ADTRP: variants seen among roughly 807,000 people sequenced by gnomAD.
The protein encoded by ADTRP is androgen dependent TFPI regulating protein.
Under a neutral mutation model 27.0 loss-of-function variants are expected in ADTRP, and 20 were observed. The observed-to-expected ratio is 0.74, with a 90% confidence interval of 0.52 to 1.08. The LOEUF (loss-of-function observed/expected upper bound fraction) is 1.08. ADTRP is among the 50% of genes least tolerant of loss of function. The probability of loss-of-function intolerance (pLI) is 0.00; values close to 1 mark genes in which losing one functional copy is unlikely to be tolerated. For synonymous variants in ADTRP, 101 were observed against 105.2 expected (o/e 0.96, Z 0.25); for missense variants, 251 against 275.0 (o/e 0.91, Z 0.62).
At chr6:11,758,937 T>C (rs374531767) in intron 3 of ADTRP, among the ~76,000 whole-genome samples, 24 of 152,286 alleles carry the variant, frequency 1.6e-4, no homozygotes, top group Admixed American at 9.2e-4. Context: ...ATAAAGCCTT[T>C]ACTCTCTTGC....
chr6:11,761,664 A>G (rs1310865629), intron 3 of ADTRP, among the ~76,000 whole-genome samples: 3 of 152,192 alleles, frequency 2.0e-5, no homozygotes, highest in Non-Finnish European at 2.9e-5. Context: ...GAACTCAGCA[A>G]TGGAAATCAT....
At chr6:11,759,745 G>A (rs2113311158) in intron 3 of ADTRP, among the ~76,000 whole-genome samples, 1 of 152,338 alleles carries the variant, frequency 6.6e-6, no homozygotes, top group Middle Eastern at 3.4e-3. Context: ...AGGAGACATT[G>A]AAGATGTAAT....
intron 1 of ADTRP, among the ~76,000 whole-genome samples, chr6:11,769,066 GAGA>G (rs1286310396): frequency 6.6e-6 from 1 of 152,186 alleles, no homozygotes; most frequent in Non-Finnish European, 1.5e-5. Context: ...CCAGGAGAAA[GAGA>G]AGGAGGGTAT....
chr6:11,719,145 G>A lies in ADTRP; in HGVS notation c.658+4204C>T, dbSNP rs746306861. On this transcript the variant is annotated intron_variant, in intron 5 of 5. Coordinates refer to ENST00000414691, the MANE Select transcript of ADTRP (RefSeq NM_032744.4). The stretch of plus-strand genomic sequence containing the variant: ...GAGCACCACACTGCACAAGGATGCC[G>A]TAGACAGAATTATCCACATTGGGAG... 2.0e-5 allele frequency among the ~76,000 whole-genome samples: 3 copies of A among 152,168 alleles called. 1 individual carries two copies. The South Asian group carries it at 6.2e-4, about 32-fold the overall frequency.
intron 5 of ADTRP, among the ~76,000 whole-genome samples, chr6:11,714,794 T>G (rs1761760122): frequency 6.6e-6 from 1 of 152,204 alleles, no homozygotes; most frequent in African/African-American, 2.4e-5. Context: ...AGGAAGCATA[T>G]TGCTGTGACT....
chr6:11,727,979 TAGGGAGGGAGGG>T lies in ADTRP; in HGVS notation c.507-4491_507-4480del, dbSNP rs35686998. Among the ~76,000 whole-genome samples, 6 of 53,336 alleles carry T rather than the reference TAGGGAGGGAGGG, an allele frequency of 1.1e-4. No homozygotes were observed. The South Asian group carries it at 2.4e-3, about 22-fold the overall frequency. 35.0% of individuals were successfully genotyped at this position (53,336 alleles called of 152,430 possible). A position where few individuals can be genotyped will look rare whatever the true frequency, so the allele number is the denominator to read the frequency against. On this transcript the variant is annotated intron_variant, in intron 4 of 5. Transcript: ENST00000414691. ...GGAGGCAGGGAGGGAGGGAGGTAGG[TAGGGAGGGAGGG>T]AGGGAGGGAGGGAGGGAACTTTGCA...
chr6:11,749,686 G>A (rs1003073474), intron 3 of ADTRP, among the ~76,000 whole-genome samples: 1 of 152,180 alleles, frequency 6.6e-6, no homozygotes, highest in African/African-American at 2.4e-5. Flanking sequence ...CTGCTGAGAG[G>A]TGAGGAAGAT....
At chr6:11,760,131 C>T (rs1763350115) in intron 3 of ADTRP, among the ~76,000 whole-genome samples, 1 of 152,164 alleles carries the variant, frequency 6.6e-6, no homozygotes, top group Non-Finnish European at 1.5e-5. Context: ...TTTGTAATAG[C>T]AACAAGCACA....
chr6:11,756,295 C>T (rs1763212396), intron 3 of ADTRP, among the ~76,000 whole-genome samples: 1 of 152,024 alleles, frequency 6.6e-6, no homozygotes, highest in East Asian at 1.9e-4. Context: ...GATCATGCCA[C>T]TGCACTCCAG....
At chr6:11,770,403 C>G (rs948120402) in intron 1 of ADTRP, among the ~76,000 whole-genome samples, 3 of 152,016 alleles carry the variant, frequency 2.0e-5, no homozygotes, top group African/African-American at 7.3e-5. Context: ...TGGGGAGATG[C>G]AGGCTGTTGA....
chr6:11,727,099 T>C (rs1475609458), intron 4 of ADTRP, among the ~76,000 whole-genome samples: 1 of 152,220 alleles, frequency 6.6e-6, no homozygotes, highest in Non-Finnish European at 1.5e-5. Flanking sequence ...CTCGGCTCAC[T>C]GCAAGCTCCG....
intron 1 of ADTRP, among the ~76,000 whole-genome samples, chr6:11,769,302 G>C (rs1763682977): frequency 6.6e-6 from 1 of 152,154 alleles, no homozygotes; most frequent in Non-Finnish European, 1.5e-5. Context: ...AAGTCAGGAA[G>C]GTTCTAGAGC....
chr6:11,747,480 G>A (rs1405974081), intron 3 of ADTRP, among the ~76,000 whole-genome samples: 2 of 152,142 alleles, frequency 1.3e-5, no homozygotes, highest in African/African-American at 2.4e-5. Context: ...GAAGAGAAAC[G>A]CTGAAATCTC....
At chr6:11,770,449 G>C (rs1181272516) in intron 1 of ADTRP, among the ~76,000 whole-genome samples, 1 of 152,090 alleles carries the variant, frequency 6.6e-6, no homozygotes, top group Admixed American at 6.5e-5. Context: ...GAAAGGGAGA[G>C]AGGAGAGGGG....
At chr6:11,776,424 T>A (rs75220683) in intron 1 of ADTRP, among the ~76,000 whole-genome samples, 12,201 of 152,118 alleles carry the variant, frequency 0.08, 1,707 homozygotes, top group African/African-American at 0.28. Flanking sequence ...GACCTAAGAT[T>A]AAAAAAAACT....
intron 3 of ADTRP, chr6:11,736,439 G>C (rs1451932305): frequency 1.3e-5 from 2 of 152,426 alleles, no homozygotes; most frequent in Non-Finnish European, 2.9e-5. Context: ...ACACACATTT[G>C]TGCACACACA....
At chr6:11,714,562 T>C (rs1761751128) in intron 5 of ADTRP, 50 bp from the exon 6 acceptor site, 1 of 1,590,270 alleles carries the variant, frequency 6.3e-7, no homozygotes, top group Admixed American at 1.9e-5. Context: ...CTTTCCCTAA[T>C]GGGTATTTTT....
chr6:11,763,938 T>C (rs1274612327), intron 3 of ADTRP, among the ~76,000 whole-genome samples: 1 of 152,210 alleles, frequency 6.6e-6, no homozygotes, highest in Non-Finnish European at 1.5e-5. Flanking sequence ...CTAAGATGGA[T>C]CTGTTGAGAG....
chr6:11,719,276 C>T (rs895396769), intron 5 of ADTRP, among the ~76,000 whole-genome samples: 1 of 152,182 alleles, frequency 6.6e-6, no homozygotes, highest in Non-Finnish European at 1.5e-5. Flanking sequence ...CACCCCAGAT[C>T]CACTAAATCA....
Sources: allele counts gnomAD v4.1 joint callset (sites outside exome capture counted in the v4.1 genomes callset), GRCh38; gene constraint gnomAD v4.1.1; transcripts MANE v1.5; gene names NCBI Gene and HGNC (gene_info 2026-07-23, HGNC 2026-07-21).